The following KIAA0825 variants were observed in gnomAD, a reference collection of about 807,000 sequenced individuals.
KIAA0825 encodes KIAA0825, also known as uncharacterized protein KIAA0825.
A neutral mutation model predicts 147.6 loss-of-function variants in KIAA0825; 119 were observed. The ratio of observed to expected loss-of-function variants is 0.81; its 90% CI spans 0.69 to 0.94. The LOEUF is 0.94. Among genes scored for constraint, KIAA0825 ranks in the 40% least tolerant of loss-of-function variants. The pLI, the probability that KIAA0825 is intolerant of heterozygous loss-of-function variation, is 0.00. For missense variants in KIAA0825, 1,381 were observed against 1,472.7 expected (o/e 0.94, Z 1.02); for synonymous variants, 470 against 518.1 (o/e 0.91, Z 1.26).
chr5:94,155,989 G>A (rs932848183), intron 20 of KIAA0825, among the ~76,000 whole-genome samples: 3 of 152,100 alleles, frequency 2.0e-5, no homozygotes, highest in African/African-American at 4.8e-5. Context: ...ATTGGGTATC[G>A]CTAATATTCA....
At chr5:94,202,830 A>G (rs1370172481) in intron 20 of KIAA0825, among the ~76,000 whole-genome samples, 1 of 152,190 alleles carries the variant, frequency 6.6e-6, no homozygotes, top group African/African-American at 2.4e-5. Flanking sequence ...ACTAGCCACA[A>G]ATGATCCTGG....
At chr5:94,399,809 T>C (rs1314288654) in intron 16 of KIAA0825, among the ~76,000 whole-genome samples, 1 of 152,090 alleles carries the variant, frequency 6.6e-6, no homozygotes, top group African/African-American at 2.4e-5. Flanking sequence ...ATATTTGTGG[T>C]TGATAAAACA....
chr5:94,412,373 G>C (rs1267779553), intron 15 of KIAA0825, among the ~76,000 whole-genome samples: 3 of 152,164 alleles, frequency 2.0e-5, no homozygotes, highest in Non-Finnish European at 4.4e-5. Context: ...AAAAAGATCT[G>C]ACTACTTCGT....
chr5:94,442,362 TG>T (rs1162262048), intron 13 of KIAA0825, among the ~76,000 whole-genome samples: 1 of 152,052 alleles, frequency 6.6e-6, no homozygotes, highest in Non-Finnish European at 1.5e-5. Context: ...AGGCAATTGG[TG>T]GGGCACTGTT....
intron 20 of KIAA0825, among the ~76,000 whole-genome samples, chr5:94,287,942 G>A (rs1308917519): frequency 6.6e-6 from 1 of 152,006 alleles, no homozygotes; most frequent in Non-Finnish European, 1.5e-5. Flanking sequence ...GAACAGCATT[G>A]GGCCTCTTGA....
intron 20 of KIAA0825, among the ~76,000 whole-genome samples, chr5:94,244,168 T>A (rs1030362914): frequency 2.0e-4 from 30 of 152,320 alleles, no homozygotes; most frequent in African/African-American, 7.0e-4. Context: ...GCCAAGTCTG[T>A]GTTTGTGCAC....
chr5:94,319,805 A>C (rs1779993123), intron 20 of KIAA0825, among the ~76,000 whole-genome samples: 1 of 151,922 alleles, frequency 6.6e-6, no homozygotes. Context: ...AGTATTTTTA[A>C]AGTATAAGTC....
intron 13 of KIAA0825, among the ~76,000 whole-genome samples, chr5:94,445,332 T>G (rs944370940): frequency 6.6e-6 from 1 of 152,198 alleles, no homozygotes; most frequent in Non-Finnish European, 1.5e-5. Context: ...ACAGCAGCTA[T>G]GAATGATAGT....
intron 3 of KIAA0825, among the ~76,000 whole-genome samples, chr5:94,526,324 C>T (rs1050146595): frequency 4.0e-5 from 6 of 151,838 alleles, no homozygotes; most frequent in African/African-American, 4.8e-5. Flanking sequence ...ATCAGCAGCA[C>T]CCTCTGGCAC....
chr5:94,606,067 A>G (rs1163581113), intron 1 of KIAA0825, among the ~76,000 whole-genome samples: 1 of 152,226 alleles, frequency 6.6e-6, no homozygotes, highest in Non-Finnish European at 1.5e-5. Context: ...GCAAAGTTTC[A>G]GGATACAAAA....
intron 2 of KIAA0825, among the ~76,000 whole-genome samples, chr5:94,555,826 T>C (rs116644699): frequency 0.019 from 2,914 of 152,286 alleles, 75 homozygotes; most frequent in African/African-American, 0.057. Flanking sequence ...ATATTTCACA[T>C]GATTTCAAAG....
chr5:94,506,701 A>G lies in KIAA0825; in HGVS notation c.970+13547T>C, dbSNP rs1010208442. Among the ~76,000 whole-genome samples the G allele has an allele frequency of 3.3e-5, 5 of 152,334 alleles. No individual in the cohort carries two copies. In the East Asian group the frequency reaches 5.8e-4, roughly 18 times the overall value. On this transcript the variant is annotated intron_variant, in intron 5 of 20. Coordinates refer to ENST00000682413, the MANE Select transcript of KIAA0825 (RefSeq NM_001145678.3). ...AATATATATTTACAAATGGGGGCAT[A>G]TAATTGTTTTAAATGTTATTTCATT...
chr5:94,181,273 A>G (rs1769588934), intron 20 of KIAA0825, among the ~76,000 whole-genome samples: 1 of 152,240 alleles, frequency 6.6e-6, no homozygotes, highest in Non-Finnish European at 1.5e-5. Context: ...GTGAAGTAGC[A>G]GTTCATATTT....
chr5:94,519,742 C>A (rs536170249), intron 5 of KIAA0825: 198 of 817,028 alleles, frequency 2.4e-4, no homozygotes, highest in South Asian at 2.0e-3. Flanking sequence ...CAAATTTCAA[C>A]AAATTTTCAA....
intron 2 of KIAA0825, among the ~76,000 whole-genome samples, chr5:94,551,978 T>C (rs972320150): frequency 6.6e-6 from 1 of 151,740 alleles, no homozygotes; most frequent in Non-Finnish European, 1.5e-5. Flanking sequence ...TCAAAAAATA[T>C]AGAAATGGAT....
chr5:94,547,758 A>C (rs971816145), intron 2 of KIAA0825, among the ~76,000 whole-genome samples: 3 of 150,436 alleles, frequency 2.0e-5, no homozygotes, highest in African/African-American at 7.4e-5. Flanking sequence ...GAATCGTAAA[A>C]GCAGCAATAG....
chr5:94,345,175 G>C (rs1053523275), intron 20 of KIAA0825, among the ~76,000 whole-genome samples: 1 of 152,098 alleles, frequency 6.6e-6, no homozygotes, highest in Non-Finnish European at 1.5e-5. Context: ...CGTGGTGAGG[G>C]TGGGGAACTT....
intron 1 of KIAA0825, among the ~76,000 whole-genome samples, chr5:94,589,735 C>T (rs1035560461): frequency 1.3e-5 from 2 of 151,242 alleles, no homozygotes; most frequent in African/African-American, 4.9e-5. Context: ...TGTGTTCATC[C>T]AGGATATTTG....
chr5:94,217,956 C>G (rs578159461), intron 20 of KIAA0825, among the ~76,000 whole-genome samples: 3 of 152,130 alleles, frequency 2.0e-5, no homozygotes, highest in African/African-American at 7.2e-5. Context: ...AATCATAAAG[C>G]TCATTGAGTC....
Sources: gnomAD v4.1 joint callset for allele counts (sites outside exome capture counted in the v4.1 genomes callset) on GRCh38, gnomAD v4.1.1 for gene constraint, MANE v1.5 for transcripts, NCBI Gene and HGNC (gene_info 2026-07-23, HGNC 2026-07-21) for gene names.